MYCT1: variants seen among roughly 807,000 people sequenced by gnomAD.
MYCT1 encodes myc target protein 1.
A neutral mutation model predicts 15.0 loss-of-function variants in MYCT1; 12 were observed. That is an observed-to-expected ratio of 0.80 (90% CI 0.51 to 1.29). The LOEUF (loss-of-function observed/expected upper bound fraction) is 1.29. MYCT1 is among the 50% of genes most tolerant of loss of function. The probability of loss-of-function intolerance (pLI) is 0.00; values close to 1 mark genes in which losing one functional copy is unlikely to be tolerated. For missense variants in MYCT1, 287 were observed against 279.1 expected (o/e 1.03, Z -0.20); for synonymous variants, 104 against 102.7 (o/e 1.01, Z -0.07).
At chr6:152,734,208 T>C in the MYCT1 span, among the ~76,000 whole-genome samples, 2 of 152,166 alleles carry the variant, frequency 1.3e-5, no homozygotes, top group Admixed American at 6.5e-5. Context: ...TGAGACCAGA[T>C]TGTGGAATTC....
intron 1 of MYCT1, among the ~76,000 whole-genome samples, chr6:152,718,881 G>A (rs2099724210): frequency 6.6e-6 from 1 of 151,982 alleles, no homozygotes; most frequent in African/African-American, 2.4e-5. Context: ...AGAGTCTTCA[G>A]TCAGACTCTA....
At chr6:152,713,566 G>A (rs1303558994) in intron 1 of MYCT1, among the ~76,000 whole-genome samples, 2 of 152,036 alleles carry the variant, frequency 1.3e-5, no homozygotes, top group Non-Finnish European at 2.9e-5. Context: ...TAACTCTGTG[G>A]AACTACAACT....
At chr6:152,727,226 A>T (rs9397117), downstream of MYCT1, among the ~76,000 whole-genome samples, 205 of 148,612 alleles carry the variant, frequency 1.4e-3, 1 homozygote, top group Admixed American at 1.5e-3. Flanking sequence ...AAAAAAAAAA[A>T]TATGGAAAGA....
intron 1 of MYCT1, among the ~76,000 whole-genome samples, chr6:152,702,357 T>TA (rs2099721464): frequency 6.6e-6 from 1 of 152,236 alleles, no homozygotes; most frequent in Non-Finnish European, 1.5e-5. Context: ...ACTATTGCAG[T>TA]AAAAATGTTG....
At chr6:152,744,562 G>C in the MYCT1 span, among the ~76,000 whole-genome samples, 1 of 152,212 alleles carries the variant, frequency 6.6e-6, no homozygotes, top group Non-Finnish European at 1.5e-5. Flanking sequence ...GCAGGGAGCC[G>C]TTGGCCCCTC....
At chr6:152,740,354 ATATTATAAT>A in the MYCT1 span, among the ~76,000 whole-genome samples, 1 of 152,108 alleles carries the variant, frequency 6.6e-6, no homozygotes, top group Non-Finnish European at 1.5e-5. Flanking sequence ...CAGGCCGGAA[ATATTATAAT>A]TATTATCCCT....
At chr6:152,708,182 G>T (rs1244339345) in intron 1 of MYCT1, among the ~76,000 whole-genome samples, 2 of 151,706 alleles carry the variant, frequency 1.3e-5, no homozygotes, top group Non-Finnish European at 2.9e-5. Flanking sequence ...AAAATTTGTG[G>T]TGCAGACATC....
At chr6:152,704,862 T>A (rs1290792696) in intron 1 of MYCT1, among the ~76,000 whole-genome samples, 1 of 152,166 alleles carries the variant, frequency 6.6e-6, no homozygotes, top group South Asian at 2.1e-4. Flanking sequence ...TTATTTTTGG[T>A]GGTAAGAACA....
the MYCT1 span, among the ~76,000 whole-genome samples, chr6:152,742,368 G>A: frequency 2.0e-4 from 30 of 152,166 alleles, no homozygotes; most frequent in African/African-American, 7.2e-4. Flanking sequence ...AGAGACATGA[G>A]AGAATACGGT....
chr6:152,715,360 A>T lies in MYCT1; in HGVS notation c.197-6382A>T, dbSNP rs184195514. Among the ~76,000 whole-genome samples, 52 of 152,298 alleles carry T rather than the reference A, an allele frequency of 3.4e-4. 1 individual carries two copies. The East Asian group carries it at 9.6e-3, about 28-fold the overall frequency. On this transcript the variant is annotated intron_variant, in intron 1 of 1. Coordinates refer to ENST00000367245, the MANE Select transcript of MYCT1 (RefSeq NM_025107.3). Reference sequence around the variant, plus strand: ...ATACTGTTAACTAATTATATTCAGAATATGGCTTGTGCTTTATAATTTTGA... The same window carrying T: ...ATACTGTTAACTAATTATATTCAGATTATGGCTTGTGCTTTATAATTTTGA...
intron 1 of MYCT1, among the ~76,000 whole-genome samples, chr6:152,704,271 G>A (rs2099721880): frequency 6.6e-6 from 1 of 152,054 alleles, no homozygotes; most frequent in Admixed American, 6.6e-5. Flanking sequence ...CAAAGTGCTG[G>A]GATTACAGGC....
At chr6:152,706,505 C>A (rs1212292221) in intron 1 of MYCT1, among the ~76,000 whole-genome samples, 1 of 152,034 alleles carries the variant, frequency 6.6e-6, no homozygotes, top group Non-Finnish European at 1.5e-5. Context: ...GTTAAGCAGC[C>A]TTTCTGTGGA....
chr6:152,704,975 C>T (rs989935172), intron 1 of MYCT1, among the ~76,000 whole-genome samples: 2 of 152,098 alleles, frequency 1.3e-5, no homozygotes, highest in African/African-American at 2.4e-5. Flanking sequence ...GCAACTGAAA[C>T]TGCATTTTTC....
At chr6:152,721,664 C>A in intron 1 of MYCT1, 78 bp from the exon 2 acceptor site, 2 of 1,285,312 alleles carry the variant, frequency 1.6e-6, no homozygotes, top group Admixed American at 4.5e-5. Flanking sequence ...CTTTGAATTA[C>A]AGTATATATG....
chr6:152,728,441 G>A (rs147331876), downstream of MYCT1, among the ~76,000 whole-genome samples: 302 of 152,108 alleles, frequency 2.0e-3, no homozygotes, highest in African/African-American at 6.8e-3. Flanking sequence ...ATGACAAGGA[G>A]TTAATCCTTT....
intron 1 of MYCT1, among the ~76,000 whole-genome samples, chr6:152,713,686 A>G (rs1242324238): frequency 1.3e-5 from 2 of 152,074 alleles, no homozygotes; most frequent in African/African-American, 4.8e-5. Flanking sequence ...GTGATTCAGG[A>G]GTCAACCAAA....
chr6:152,725,128 A>G (rs544457701), downstream of MYCT1, among the ~76,000 whole-genome samples: 1 of 151,852 alleles, frequency 6.6e-6, no homozygotes, highest in East Asian at 1.9e-4. Flanking sequence ...TATTTAAAAA[A>G]ATTTAAAATT....
intron 1 of MYCT1, among the ~76,000 whole-genome samples, chr6:152,716,421 G>A (rs1314135797): frequency 6.6e-6 from 1 of 152,098 alleles, no homozygotes; most frequent in East Asian, 1.9e-4. Flanking sequence ...ACTGCAAAGG[G>A]TTTTTGAATG....
chr6:152,728,190 G>C (rs1303830426), downstream of MYCT1, among the ~76,000 whole-genome samples: 1 of 151,632 alleles, frequency 6.6e-6, no homozygotes, highest in Non-Finnish European at 1.5e-5. Context: ...GAAAAAGCAG[G>C]CTTCATAGGT....
Sources: allele counts gnomAD v4.1 joint callset (sites outside exome capture counted in the v4.1 genomes callset), GRCh38; gene constraint gnomAD v4.1.1; transcripts MANE v1.5; gene names NCBI Gene and HGNC (gene_info 2026-07-23, HGNC 2026-07-21).